The following SLCO5A1 variants were observed in gnomAD, a reference collection of about 807,000 sequenced individuals.
The protein encoded by SLCO5A1 is organic anion transporter polypeptide-related protein 4.
In SLCO5A1, 39 loss-of-function variants were observed where a neutral mutation model predicts 65.1. That is an observed-to-expected ratio of 0.60 (90% CI 0.46 to 0.78). The LOEUF is 0.78. SLCO5A1 is among the 30% of genes least tolerant of loss of function. The pLI, the probability that SLCO5A1 is intolerant of heterozygous loss-of-function variation, is 0.00. For synonymous variants in SLCO5A1, 438 were observed against 415.7 expected (o/e 1.05, Z -0.65); for missense variants, 1,029 against 1,069.4 (o/e 0.96, Z 0.53).
intron 4 of SLCO5A1, among the ~76,000 whole-genome samples, chr8:69,750,673 C>T (rs903699850): frequency 3.3e-5 from 5 of 152,322 alleles, no homozygotes; most frequent in Admixed American, 3.3e-4. Flanking sequence ...CCCAGTCTTT[C>T]AAGGTTCATC....
intron 2 of SLCO5A1, among the ~76,000 whole-genome samples, chr8:69,807,420 T>A (rs1820040953): frequency 6.6e-6 from 1 of 152,208 alleles, no homozygotes; most frequent in Non-Finnish European, 1.5e-5. Flanking sequence ...ACTACAGTCA[T>A]CGAGCTGTGC....
chr8:69,756,036 C>T (rs1229491803), intron 3 of SLCO5A1, among the ~76,000 whole-genome samples: 1 of 151,878 alleles, frequency 6.6e-6, no homozygotes, highest in African/African-American at 2.4e-5. Flanking sequence ...CCAATATAGA[C>T]TTTTTTTTGT....
chr8:69,682,417 T>C, intron 6 of SLCO5A1, 74 bp from the exon 7 acceptor site: 3 of 1,358,980 alleles, frequency 2.2e-6, no homozygotes, highest in East Asian at 2.7e-5. Flanking sequence ...TTGAAATTAA[T>C]AATTTGTCCA....
intron 6 of SLCO5A1, chr8:69,700,299 T>C (rs1814674989): frequency 6.6e-6 from 1 of 152,320 alleles, no homozygotes; most frequent in Non-Finnish European, 1.5e-5. Flanking sequence ...TCTGGCTGAA[T>C]AGACGGGTGT....
At chr8:69,818,278 G>C (rs1194863589) in intron 2 of SLCO5A1, among the ~76,000 whole-genome samples, 1 of 152,216 alleles carries the variant, frequency 6.6e-6, no homozygotes, top group African/African-American at 2.4e-5. Context: ...CCCAGAGAGA[G>C]AGACTTCTTG....
rs1048579988 is a variant in SLCO5A1, at chr8:69,669,325, T to C, written c.*3544A>G. 1 of 152,182 alleles carries C rather than the reference T, an allele frequency of 6.6e-6. No homozygotes were observed. Among genetic ancestry groups the C allele is most frequent in the Non-Finnish European group, 1.5e-5 (1 of 68,024 alleles). The allele number at this position is 152,182 out of a possible 1,614,324, so 9.4% of individuals were successfully genotyped here. ...TCATAAACGGTAATATATCAAAAAA[T>C]TGAAATGCTTTAATCTCACGATTTT... On this transcript the variant is annotated 3_prime_UTR_variant, in exon 10 of 10. Transcript: ENST00000260126.
rs771097267 is a variant in SLCO5A1 at position 69,832,175 on chromosome 8, A to T, written c.499T>A (p.Ser167Thr). The T allele has an allele frequency of 6.2e-7, 1 of 1,614,078 alleles. No individual in the cohort carries two copies. The highest frequency in any genetic ancestry group is 1.7e-5 in the Admixed American group (1 of 60,020). Residue 167 changes from serine (S) to threonine (T), a missense_variant, in exon 2 of 10, where the codon TCG (serine) becomes ACG (threonine). Physicochemically the swap from Ser to Thr is moderately conservative, Grantham distance 58 (BLOSUM62 1). This residue lies in a region of SLCO5A1 where 647 missense variants were observed against 647.5 expected (regional missense o/e 1.00). Coordinates refer to ENST00000260126, the MANE Select transcript of SLCO5A1 (RefSeq NM_030958.3). This position sits in a 1 kb window ranked among gnomAD's most constrained non-coding sequence, Gnocchi z 4.5. ...ERRYSLKSSE[S>T]GLLVSCFDIG... The stretch of plus-strand genomic sequence containing the variant: ...TCAAAGCAGCTGACCAGCAGCCCCG[A>T]CTCGGAACTCTTCAGACTGTAGCGC...
chr8:69,791,145 C>T (rs1229955928), intron 2 of SLCO5A1, among the ~76,000 whole-genome samples: 18 of 152,148 alleles, frequency 1.2e-4, no homozygotes, highest in Admixed American at 3.3e-4. Flanking sequence ...TGTAACTGTC[C>T]CTCTGTTCCT....
chr8:69,682,766 C>T (rs947249750), intron 6 of SLCO5A1, among the ~76,000 whole-genome samples: 6 of 152,330 alleles, frequency 3.9e-5, no homozygotes, highest in African/African-American at 1.4e-4. Flanking sequence ...AATAACATCA[C>T]TGTGAGCACA....
intron 2 of SLCO5A1, among the ~76,000 whole-genome samples, chr8:69,821,228 G>C (rs561631088): frequency 1.3e-5 from 2 of 151,936 alleles, no homozygotes; most frequent in African/African-American, 2.4e-5. Context: ...GCATGGTGGC[G>C]CACCCCTGTA....
Position 69,672,930 on chromosome 8 carries a change from A to G in SLCO5A1, c.2486T>C (p.Ile829Thr), listed in dbSNP as rs745912100. ...CAGCCCCGGGTCCGCAGAGGAACTT[A>G]TTGCTTCTGGGAAGGGCCCCGGGTA... ...QTYPGPFPEA[I>T]SSSADPGLEE... The change falls in exon 10 of 10, where the codon ATA (isoleucine) becomes ACA (threonine). Residue 829 changes from isoleucine (I) to threonine (T), a missense_variant. Transcript: ENST00000260126. 1 of 1,614,176 alleles carries G rather than the reference A, an allele frequency of 6.2e-7. No individual in the cohort carries two copies.
Position 69,702,504 on chromosome 8 carries a change from T to TACAC in SLCO5A1, c.1622+2523_1622+2526dup, listed in dbSNP as rs71257200. Reference sequence around the variant, plus strand: ...AGCCACATACCCGGTACACACATCTTACACACACACACACACACACACACC... The same window carrying TACAC: ...AGCCACATACCCGGTACACACATCTTACACACACACACACACACACACACACACC... On this transcript the variant is annotated intron_variant, in intron 6 of 9. Transcript: ENST00000260126. Among the ~76,000 whole-genome samples the TACAC allele has an allele frequency of 1.6e-3, 233 of 149,002 alleles. 1 individual carries two copies. The highest frequency in any genetic ancestry group is 4.4e-3 in the Admixed American group (66 of 14,954).
At chr8:69,697,232 A>G (rs1395963426) in intron 6 of SLCO5A1, among the ~76,000 whole-genome samples, 1 of 152,208 alleles carries the variant, frequency 6.6e-6, no homozygotes, top group Admixed American at 6.5e-5. Context: ...CAACTGTTAT[A>G]TAGATAGCTG....
At chr8:69,736,419 A>C (rs1461288179) in intron 5 of SLCO5A1, among the ~76,000 whole-genome samples, 2 of 152,238 alleles carry the variant, frequency 1.3e-5, no homozygotes, top group East Asian at 3.8e-4. Context: ...TACCCGGCTC[A>C]GCACTGCACT....
chr8:69,762,059 C>T (rs1485688234), intron 2 of SLCO5A1, among the ~76,000 whole-genome samples, 184 bp from the exon 3 acceptor site: 1 of 152,150 alleles, frequency 6.6e-6, no homozygotes, highest in Non-Finnish European at 1.5e-5. Context: ...CTTTGTTAAC[C>T]TATTGTCCTC....
chr8:69,787,368 T>G (rs1819077007), intron 2 of SLCO5A1, among the ~76,000 whole-genome samples: 2 of 152,362 alleles, frequency 1.3e-5, no homozygotes, highest in African/African-American at 4.8e-5. Context: ...CTGTTAGTTT[T>G]GCAGACAGCC....
intron 5 of SLCO5A1, among the ~76,000 whole-genome samples, chr8:69,726,644 C>T (rs923816607): frequency 5.9e-5 from 9 of 152,112 alleles, no homozygotes; most frequent in Non-Finnish European, 7.4e-5. Context: ...GGATTACAGG[C>T]GTGTGCCACC....
rs546364339 is a variant in SLCO5A1, at chr8:69,794,717, T to C, written c.908-32842A>G. On this transcript the variant is annotated intron_variant, in intron 2 of 9. Coordinates refer to ENST00000260126, the MANE Select transcript of SLCO5A1 (RefSeq NM_030958.3). Reference sequence around the variant, plus strand: ...AAGGTGCAGACTGCAGCCATACTTGTTATATTAGTTCATTCTTGCACTGCT... The same window carrying C: ...AAGGTGCAGACTGCAGCCATACTTGCTATATTAGTTCATTCTTGCACTGCT... 171 of 290,460 alleles carry C rather than the reference T, an allele frequency of 5.9e-4. 3 individuals are homozygous for C. The South Asian group carries it at 6.2e-3, about 11-fold the overall frequency. 18.0% of individuals were successfully genotyped at this position (290,460 alleles called of 1,614,324 possible).
At chr8:69,794,283 G>A in intron 2 of SLCO5A1, 1 of 480,428 alleles carries the variant, frequency 2.1e-6, no homozygotes, top group South Asian at 1.6e-5. Context: ...TGAATGGGGA[G>A]AAGTTCTTGA....
Sources: allele counts gnomAD v4.1 joint callset (sites outside exome capture counted in the v4.1 genomes callset), GRCh38; gene constraint gnomAD v4.1.1; regional missense constraint gnomAD v4.1.1; non-coding constraint Gnocchi (gnomAD v3.1); transcripts MANE v1.5; gene names NCBI Gene and HGNC (gene_info 2026-07-23, HGNC 2026-07-21).